MAGEC3: variants seen among roughly 807,000 people sequenced by gnomAD.
The protein encoded by MAGEC3 is MAGE family member C3, also known as melanoma-associated antigen C3.
Under a neutral mutation model 35.3 loss-of-function variants are expected in MAGEC3, and 34 were observed. The ratio of observed to expected loss-of-function variants is 0.96; its 90% confidence interval spans 0.73 to 1.28. MAGEC3 has a LOEUF of 1.28. Ranked by LOEUF, MAGEC3 falls within the 50% of genes most tolerant of loss-of-function variation. The pLI, the probability that MAGEC3 is intolerant of heterozygous loss-of-function variation, is 0.00. For missense variants in MAGEC3, 561 were observed against 483.6 expected, an observed-to-expected ratio of 1.16 and a Z score of -1.50; for synonymous variants, 202 against 185.6, an observed-to-expected ratio of 1.09 and a Z score of -0.72.
intron 2 of MAGEC3, among the ~76,000 whole-genome samples, chrX:141,868,953 C>A (rs1244684089): frequency 9.1e-6 from 1 of 109,596 alleles, no homozygotes; most frequent in Non-Finnish European, 1.9e-5. Context: ...GCTATCTCGG[C>A]TCACTGCAAG....
intron 1 of MAGEC3, among the ~76,000 whole-genome samples, chrX:141,864,992 T>C (rs1266841168): frequency 8.9e-6 from 1 of 112,138 alleles, no homozygotes; most frequent in Non-Finnish European, 1.9e-5. Context: ...TGATGTAGGA[T>C]AATTTTTCAG....
intron 2 of MAGEC3, among the ~76,000 whole-genome samples, chrX:141,869,376 A>G (rs750948526): frequency 2.7e-5 from 3 of 112,316 alleles, no homozygotes; most frequent in African/African-American, 6.5e-5. Flanking sequence ...GGCAGAAAGA[A>G]ACAAACAACC....
intron 2 of MAGEC3, among the ~76,000 whole-genome samples, chrX:141,871,469 G>C (rs879135022): frequency 8.9e-6 from 1 of 111,787 alleles, no homozygotes; most frequent in Admixed American, 9.5e-5. Flanking sequence ...TGGCAAGACA[G>C]AGTGGAGAGA....
At chrX:141,880,111 G>C (rs902299668) in intron 3 of MAGEC3, among the ~76,000 whole-genome samples, 1 of 111,459 alleles carries the variant, frequency 9.0e-6, no homozygotes, top group African/African-American at 3.3e-5. Context: ...TGAGGGTCCC[G>C]TGGCAAATCA....
At position 141,896,677 on chromosome X, in the gene MAGEC3, C is replaced by T. The variant is rs146157959; in HGVS notation, c.1124-205C>T. 70 of 1,209,296 alleles carry T rather than the reference C, an allele frequency of 5.8e-5. No homozygotes were observed. The African/African-American group carries it at 6.5e-4, about 11-fold the overall frequency. On this transcript the variant is annotated intron_variant, in intron 6 of 7. Coordinates refer to ENST00000298296, the MANE Select transcript of MAGEC3 (RefSeq NM_138702.1). ...CATGCCTCTCTTTCCAAACCTTCCA[C>T]GCCTCAGCTTTGAGGAAGACTTCCA...
chrX:141,893,714 T>TG (rs148119130), intron 4 of MAGEC3, among the ~76,000 whole-genome samples: 2,250 of 76,231 alleles, frequency 0.03, 78 homozygotes, highest in African/African-American at 0.061. Flanking sequence ...GGGCAGGAAT[T>TG]GGGGGGGGGG....
rs779073159 is a variant in MAGEC3, at chrX:141,881,436, A to G, written c.549A>G (p.Thr183=). Residue 183 remains threonine, a synonymous_variant, in exon 4 of 8, where the codon ACA becomes ACG. Transcript: ENST00000298296. ...AGAGCGAGCCCTTGTTCACTTATACACTGGATGAAAAGGTGGACAAGTTGG... is the reference window on the plus strand; with the variant it reads ...AGAGCGAGCCCTTGTTCACTTATACGCTGGATGAAAAGGTGGACAAGTTGG... The part of the protein sequence containing the change: ...LPESEPLFTY[T]LDEKVDKLVQ... 8.3e-7 allele frequency: 1 copy of G among 1,209,112 alleles called. No homozygotes were observed. The highest frequency in any genetic ancestry group is 1.1e-6 in the Non-Finnish European group (1 of 894,453).
rs1216923684 is a variant in MAGEC3 at position 141,897,069 on chromosome X, G to A, written c.1311G>A (p.Glu437=). ...RLDEESSSEE[E]DTATWHALPE... is the part of the protein sequence containing the mutation. ...ATGAGGAGTCCAGCAGTGAAGAGGA[G>A]GATACAGCTACTTGGCATGCCTTGC... is the stretch of plus-strand genomic sequence containing the variant. The change falls in exon 7 of 8, where the codon GAG becomes GAA. Residue 437 remains glutamate (E), a synonymous_variant. Coordinates refer to ENST00000298296, the MANE Select transcript of MAGEC3 (RefSeq NM_138702.1). The A allele has an allele frequency of 2.5e-6, 3 of 1,209,790 alleles. No individual in the cohort carries two copies. The highest frequency in any genetic ancestry group is 3.4e-6 in the Non-Finnish European group (3 of 895,189).
intron 1 of MAGEC3, 124 bp from the exon 2 acceptor site, chrX:141,865,346 CA>C: frequency 3.3e-6 from 2 of 604,573 alleles, no homozygotes; most frequent in Non-Finnish European, 4.6e-6. Flanking sequence ...TTTAATTTGA[CA>C]TTTTTTTTCT....
chrX:141,885,663 CAAA>C (rs35973319), intron 4 of MAGEC3, among the ~76,000 whole-genome samples: 278 of 40,959 alleles, frequency 6.8e-3, no homozygotes, highest in African/African-American at 0.032. Context: ...GACTTCGTCT[CAAA>C]AAAAAAAAAA....
chrX:141,878,202 A>G (rs769522784), intron 2 of MAGEC3, among the ~76,000 whole-genome samples: 3 of 111,093 alleles, frequency 2.7e-5, no homozygotes, highest in Admixed American at 9.6e-5. Context: ...TCATGATTTG[A>G]TGTAGGTAAT....
At chrX:141,841,495 T>C (rs972175158) in intron 1 of MAGEC3, among the ~76,000 whole-genome samples, 1 of 111,928 alleles carries the variant, frequency 8.9e-6, no homozygotes, top group Non-Finnish European at 1.9e-5. Context: ...AACCTGCACA[T>C]ATATCCTTGA....
chrX:141,857,733 C>T (rs2017790139), intron 1 of MAGEC3, among the ~76,000 whole-genome samples: 1 of 111,150 alleles, frequency 9.0e-6, no homozygotes, highest in African/African-American at 3.3e-5. Context: ...AGAGCCTTTC[C>T]TTGACACCTG....
At chrX:141,881,894 C>T in intron 4 of MAGEC3, 98 bp downstream of exon 4, 1 of 1,033,791 alleles carries the variant, frequency 9.7e-7, no homozygotes, top group Non-Finnish European at 1.3e-6. Flanking sequence ...CGACATGTGC[C>T]CAGTAGTGCT....
intron 1 of MAGEC3, among the ~76,000 whole-genome samples, chrX:141,862,883 G>C (rs966378770): frequency 9.0e-6 from 1 of 111,615 alleles, no homozygotes; most frequent in Non-Finnish European, 1.9e-5. Flanking sequence ...GTTGACTGCA[G>C]AGCAGGGTGA....
chrX:141,869,708 G>T (rs774603477), intron 2 of MAGEC3, among the ~76,000 whole-genome samples: 2 of 111,830 alleles, frequency 1.8e-5, no homozygotes, highest in East Asian at 2.8e-4. Context: ...AGAAAATAAC[G>T]ATTGTCTGTA....
intron 4 of MAGEC3, among the ~76,000 whole-genome samples, chrX:141,894,393 G>C (rs1380386320): frequency 8.9e-6 from 1 of 112,219 alleles, no homozygotes; most frequent in Non-Finnish European, 1.9e-5. Context: ...ACAGGCTGCT[G>C]AAAAGACAAT....
chrX:141,874,134 T>G (rs757921761), intron 2 of MAGEC3, among the ~76,000 whole-genome samples: 1 of 112,216 alleles, frequency 8.9e-6, no homozygotes, highest in African/African-American at 3.2e-5. Context: ...TTCAGCTAAT[T>G]ATACCAGAAC....
chrX:141,869,699 G>T (rs2017875442), intron 2 of MAGEC3, among the ~76,000 whole-genome samples: 1 of 111,886 alleles, frequency 8.9e-6, no homozygotes, highest in South Asian at 3.7e-4. Flanking sequence ...AGAATTAAAA[G>T]AAAATAACGA....
Sources: allele counts gnomAD v4.1 joint callset (sites outside exome capture counted in the v4.1 genomes callset), GRCh38; gene constraint gnomAD v4.1.1; transcripts MANE v1.5; gene names NCBI Gene and HGNC (gene_info 2026-07-23, HGNC 2026-07-21).